RAB30: variants seen among roughly 807,000 people sequenced by gnomAD.
RAB30 encodes ras-related protein Rab-30.
In RAB30, 9 loss-of-function variants were observed where a neutral mutation model predicts 25.1. The ratio of observed to expected loss-of-function variants is 0.36; its 90% CI spans 0.22 to 0.63. RAB30 has a LOEUF of 0.63. RAB30 is among the 20% of genes least tolerant of loss of function. The probability of loss-of-function intolerance (pLI) is 0.69; values close to 1 mark genes in which losing one functional copy is unlikely to be tolerated. For synonymous variants in RAB30, 77 were observed against 86.4 expected, an observed-to-expected ratio of 0.89 and a Z score of 0.60; for missense variants, 140 against 243.5, an observed-to-expected ratio of 0.58 and a Z score of 2.83.
chr11:82,999,548 A>C (rs759929702), intron 1 of RAB30, among the ~76,000 whole-genome samples: 5 of 152,086 alleles, frequency 3.3e-5, no homozygotes, highest in Admixed American at 6.5e-5. Context: ...AGGATTCTCA[A>C]ATTTTCCATG....
chr11:83,057,832 T>C (rs1217861049), intron 1 of RAB30, among the ~76,000 whole-genome samples: 6 of 152,248 alleles, frequency 3.9e-5, no homozygotes, highest in African/African-American at 1.2e-4. Context: ...TGAATTCCAA[T>C]TGTGGATTCA....
chr11:83,007,587 T>C (rs776591315), intron 1 of RAB30, among the ~76,000 whole-genome samples: 4 of 152,076 alleles, frequency 2.6e-5, no homozygotes, highest in Non-Finnish European at 4.4e-5. Context: ...CTTTCTGCCA[T>C]AGTGAGAAGC....
chr11:83,001,136 G>C (rs1163551058), intron 1 of RAB30, among the ~76,000 whole-genome samples: 2 of 149,476 alleles, frequency 1.3e-5, no homozygotes, highest in Non-Finnish European at 3.0e-5. Flanking sequence ...AATAAGTTAA[G>C]ACACTACCCC....
intron 4 of RAB30, 34 bp from the exon 5 acceptor site, chr11:82,982,449 C>T: frequency 2.5e-6 from 4 of 1,599,412 alleles, no homozygotes; most frequent in African/African-American, 1.3e-5. Flanking sequence ...AAAGAATCAG[C>T]ATTTGACTTT....
chr11:83,038,938 A>G (rs1858046690), intron 1 of RAB30: 1 of 152,204 alleles, frequency 6.6e-6, no homozygotes, highest in East Asian at 1.9e-4. Flanking sequence ...AATCCTTACA[A>G]CAACCCAGAA....
chr11:83,019,037 T>C (rs1857504098), intron 1 of RAB30, among the ~76,000 whole-genome samples: 2 of 152,216 alleles, frequency 1.3e-5, no homozygotes, highest in African/African-American at 4.8e-5. Flanking sequence ...TTTGTTTTGT[T>C]TTGTTTTGAG....
intron 1 of RAB30, among the ~76,000 whole-genome samples, chr11:83,029,038 A>G (rs991683201): frequency 6.6e-6 from 1 of 152,142 alleles, no homozygotes; most frequent in African/African-American, 2.4e-5. Flanking sequence ...CAAACAAAAA[A>G]AAGCTCCTGG....
At chr11:83,054,362 T>C (rs1858414775) in intron 1 of RAB30, among the ~76,000 whole-genome samples, 1 of 152,210 alleles carries the variant, frequency 6.6e-6, no homozygotes, top group Non-Finnish European at 1.5e-5. Context: ...CAAATCTTGA[T>C]TGCTACTACC....
At chr11:83,049,487 T>TG (rs1270631132) in intron 1 of RAB30, among the ~76,000 whole-genome samples, 1 of 129,358 alleles carries the variant, frequency 7.7e-6, no homozygotes. Context: ...GCAGTTTTTG[T>TG]GTTTTTTTTT....
chr11:83,049,538 T>C (rs1858311519), intron 1 of RAB30, among the ~76,000 whole-genome samples: 1 of 151,080 alleles, frequency 6.6e-6, no homozygotes, highest in African/African-American at 2.4e-5. Context: ...TGGGGTTCAG[T>C]GGCGTGATCA....
intron 1 of RAB30, among the ~76,000 whole-genome samples, chr11:83,049,059 T>A (rs1035333620): frequency 6.6e-6 from 1 of 152,212 alleles, no homozygotes; most frequent in Non-Finnish European, 1.5e-5. Flanking sequence ...TACAATAAGA[T>A]AAGTCTGATA....
intron 1 of RAB30, among the ~76,000 whole-genome samples, chr11:82,998,126 T>C (rs1483620276): frequency 6.6e-6 from 1 of 152,180 alleles, no homozygotes; most frequent in African/African-American, 2.4e-5. Flanking sequence ...CTGTATACAA[T>C]TGTTTGTTCA....
chr11:83,012,295 C>T (rs76753210), intron 1 of RAB30, among the ~76,000 whole-genome samples: 39 of 152,242 alleles, frequency 2.6e-4, no homozygotes, highest in Admixed American at 8.5e-4. Flanking sequence ...AGATGCAATG[C>T]GACTCCACTG....
intron 4 of RAB30, among the ~76,000 whole-genome samples, chr11:82,986,468 G>A (rs1464598290): frequency 6.6e-6 from 1 of 152,182 alleles, no homozygotes; most frequent in Non-Finnish European, 1.5e-5. Flanking sequence ...TTTGACTCAA[G>A]TTCCCAAAGG....
chr11:83,066,665 C>G (rs1858705232), intron 1 of RAB30, among the ~76,000 whole-genome samples: 1 of 152,210 alleles, frequency 6.6e-6, no homozygotes, highest in Non-Finnish European at 1.5e-5. Context: ...ATTCTCCTGC[C>G]TCAGCCTCCT....
intron 1 of RAB30, among the ~76,000 whole-genome samples, chr11:83,023,642 A>G (rs1857637038): frequency 6.6e-6 from 1 of 152,132 alleles, no homozygotes; most frequent in Non-Finnish European, 1.5e-5. Flanking sequence ...CATATCCAAA[A>G]CACGTGCTGG....
chr11:83,032,060 T>C (rs549432825), intron 1 of RAB30, among the ~76,000 whole-genome samples: 1 of 152,256 alleles, frequency 6.6e-6, no homozygotes, highest in East Asian at 1.9e-4. Context: ...GACAGAGCCG[T>C]CCACTCTTTG....
rs1056854942 is a variant in RAB30 at position 83,059,818 on chromosome 11, G to T, written c.-9+11873C>A. ...CAATTTGAATATCAGAAAGCATAAG[G>T]TTGAGGGGGAAAAAAGGCAAGAAGA... On this transcript the variant is annotated intron_variant, in intron 1 of 4. Coordinates refer to ENST00000527633, the MANE Select transcript of RAB30 (RefSeq NM_001286060.2). 2.6e-5 allele frequency among the ~76,000 whole-genome samples: 4 copies of T among 152,128 alleles called. No individual in the cohort carries two copies. The East Asian group carries it at 7.7e-4, about 29-fold the overall frequency.
chr11:83,001,541 T>G (rs1320849859), intron 1 of RAB30, among the ~76,000 whole-genome samples: 1 of 152,222 alleles, frequency 6.6e-6, no homozygotes, highest in Non-Finnish European at 1.5e-5. Context: ...AGGCTGTCTA[T>G]GTGTAAAGCT....
Sources: allele counts gnomAD v4.1 joint callset (sites outside exome capture counted in the v4.1 genomes callset), GRCh38; gene constraint gnomAD v4.1.1; transcripts MANE v1.5; gene names NCBI Gene and HGNC (gene_info 2026-07-23, HGNC 2026-07-21).